Variants in MAGI3 observed in about 807,000 individuals in gnomAD.
MAGI3 encodes membrane associated guanylate kinase, WW and PDZ domain containing 3.
A neutral mutation model predicts 121.8 loss-of-function variants in MAGI3; 43 were observed. That is an observed-to-expected ratio of 0.35 (90% CI 0.28 to 0.46). The LOEUF is 0.46. Ranked by LOEUF, MAGI3 falls within the 20% of genes least tolerant of loss-of-function variation. MAGI3 has a pLI of 1.00. For synonymous variants in MAGI3, 553 were observed against 639.3 expected, an observed-to-expected ratio of 0.86 and a Z score of 2.04; for missense variants, 1,547 against 1,797.3, an observed-to-expected ratio of 0.86 and a Z score of 2.52.
intron 7 of MAGI3, among the ~76,000 whole-genome samples, chr1:113,619,034 T>C (rs912885144): frequency 6.6e-6 from 1 of 152,252 alleles, no homozygotes; most frequent in Admixed American, 6.5e-5. Flanking sequence ...TTGAATAGTT[T>C]GGCTAATCTC....
Position 113,681,650 on chromosome 1 carries a change from T to C in MAGI3, c.3328+314T>C, listed in dbSNP as rs141735382. On this transcript the variant is annotated intron_variant, in intron 20 of 20. Transcript: ENST00000307546. Reference sequence around the variant, plus strand: ...ACAATTTAAATACCATAAAAAATGTTTTAAATCTCTTCAAAATATCCCAGC... The same window carrying C: ...ACAATTTAAATACCATAAAAAATGTCTTAAATCTCTTCAAAATATCCCAGC... Among the ~76,000 whole-genome samples, 284 of 152,354 alleles carry C rather than the reference T, an allele frequency of 1.9e-3. 11 individuals carry two copies. In the East Asian group the frequency reaches 0.049, roughly 26 times the overall value.
At chr1:113,562,605 T>G (rs1284996497) in intron 2 of MAGI3, among the ~76,000 whole-genome samples, 1 of 152,220 alleles carries the variant, frequency 6.6e-6, no homozygotes, top group Non-Finnish European at 1.5e-5. Flanking sequence ...GAAAATCAGA[T>G]GTTCTCACTT....
intron 1 of MAGI3, among the ~76,000 whole-genome samples, chr1:113,425,376 G>A (rs1433587914): frequency 7.1e-6 from 1 of 140,050 alleles, no homozygotes; most frequent in Admixed American, 7.6e-5. Context: ...TCCGCCTCCC[G>A]GGTTCAAGCC....
chr1:113,615,088 G>T (rs1365209157), intron 7 of MAGI3, among the ~76,000 whole-genome samples: 1 of 152,126 alleles, frequency 6.6e-6, no homozygotes, highest in Non-Finnish European at 1.5e-5. Context: ...ACACCTAAAG[G>T]TGTGCTCTCT....
intron 1 of MAGI3, among the ~76,000 whole-genome samples, chr1:113,431,282 TGCTACAGC>T (rs538183602): frequency 2.4e-4 from 37 of 152,342 alleles, no homozygotes; most frequent in African/African-American, 8.2e-4. Flanking sequence ...CATGCCACTG[TGCTACAGC>T]CTGGGTAACA....
chr1:113,472,661 GGT>G (rs142790579), intron 1 of MAGI3, among the ~76,000 whole-genome samples: 62 of 147,768 alleles, frequency 4.2e-4, no homozygotes, highest in South Asian at 2.2e-3. Flanking sequence ...ATCTACTACA[GGT>G]GTGTGTGTGT....
chr1:113,675,906 G>A (rs1349422132), intron 19 of MAGI3, among the ~76,000 whole-genome samples: 1 of 152,188 alleles, frequency 6.6e-6, no homozygotes, highest in Non-Finnish European at 1.5e-5. Flanking sequence ...AGAACCATAT[G>A]TAATATACAT....
intron 1 of MAGI3, among the ~76,000 whole-genome samples, chr1:113,458,208 T>C (rs949395316): frequency 6.6e-6 from 1 of 152,210 alleles, no homozygotes; most frequent in African/African-American, 2.4e-5. Context: ...TTGCTTGTGC[T>C]GGTGGCTTGG....
intron 1 of MAGI3, among the ~76,000 whole-genome samples, chr1:113,495,525 C>G (rs1656878933): frequency 6.6e-6 from 1 of 152,000 alleles, no homozygotes; most frequent in Admixed American, 6.6e-5. Context: ...CACCCTTTCC[C>G]CCGAGTCCCC....
In MAGI3 at chr1:113,397,265, G is replaced by A. The variant is rs191542039; in HGVS notation, c.316+5916G>A. On this transcript the variant is annotated intron_variant, in intron 1 of 20. Transcript: ENST00000307546. ...TACAGTGAATTTATGGAAATTAAATGTGTACATGAAGTGAAAGAATGATTT... is the reference window on the plus strand; with the variant it reads ...TACAGTGAATTTATGGAAATTAAATATGTACATGAAGTGAAAGAATGATTT... Among the ~76,000 whole-genome samples, 15 of 152,278 alleles carry A rather than the reference G, an allele frequency of 9.9e-5. No homozygotes were observed. In the East Asian group the frequency reaches 2.7e-3, roughly 27 times the overall value.
intron 20 of MAGI3, chr1:113,682,664 GA>G: frequency 2.0e-6 from 2 of 977,014 alleles, no homozygotes; most frequent in Non-Finnish European, 1.2e-6. Context: ...TATGTAATTG[GA>G]AAAAATGAAT....
At chr1:113,459,223 A>G (rs1654913431) in intron 1 of MAGI3, among the ~76,000 whole-genome samples, 1 of 152,180 alleles carries the variant, frequency 6.6e-6, no homozygotes, top group Non-Finnish European at 1.5e-5. Flanking sequence ...ATTGAAAAGT[A>G]TTTTTGTTTT....
intron 1 of MAGI3, among the ~76,000 whole-genome samples, chr1:113,467,351 T>C (rs1258162703): frequency 6.6e-6 from 1 of 152,144 alleles, no homozygotes; most frequent in Non-Finnish European, 1.5e-5. Flanking sequence ...CAGAGTTGTT[T>C]TGTGGCCTAA....
At chr1:113,627,309 T>C (rs1410337254) in intron 9 of MAGI3, among the ~76,000 whole-genome samples, 1 of 151,974 alleles carries the variant, frequency 6.6e-6, no homozygotes, top group Non-Finnish European at 1.5e-5. Flanking sequence ...GATATAATTT[T>C]AATTTTTTGG....
At chr1:113,481,969 T>C (rs1656135859) in intron 1 of MAGI3, among the ~76,000 whole-genome samples, 1 of 152,060 alleles carries the variant, frequency 6.6e-6, no homozygotes, top group African/African-American at 2.4e-5. Context: ...CTTTTTTTTT[T>C]CATCTCTTTC....
intron 1 of MAGI3, among the ~76,000 whole-genome samples, chr1:113,392,835 T>TCAG (rs1307785405): frequency 6.6e-6 from 1 of 152,200 alleles, no homozygotes; most frequent in African/African-American, 2.4e-5. Context: ...GGGCTGTAAT[T>TCAG]CAGCTAGTCA....
intron 1 of MAGI3, among the ~76,000 whole-genome samples, chr1:113,505,374 C>G (rs1657269059): frequency 6.6e-6 from 1 of 152,040 alleles, no homozygotes; most frequent in Admixed American, 6.6e-5. Context: ...TCTGTTTTAA[C>G]TAGCTCAAAT....
chr1:113,669,980 A>G (rs990982324), intron 16 of MAGI3, among the ~76,000 whole-genome samples: 21 of 149,506 alleles, frequency 1.4e-4, no homozygotes, highest in African/African-American at 4.7e-4. Context: ...GCAATATAAA[A>G]GAGCAACAAA....
At chr1:113,681,140 G>A (rs1648190126) in intron 19 of MAGI3, 58 bp from the exon 20 acceptor site, 1 of 1,580,074 alleles carries the variant, frequency 6.3e-7, no homozygotes, top group African/African-American at 1.4e-5. Flanking sequence ...GCTGACAAAA[G>A]CAGAATTTAC....
Sources: allele counts gnomAD v4.1 joint callset (sites outside exome capture counted in the v4.1 genomes callset), GRCh38; gene constraint gnomAD v4.1.1; transcripts MANE v1.5; gene names NCBI Gene and HGNC (gene_info 2026-07-23, HGNC 2026-07-21).